PARD3: variants seen among roughly 807,000 people sequenced by gnomAD.
The protein encoded by PARD3 is partitioning defective 3 homolog.
A neutral mutation model predicts 155.4 loss-of-function variants in PARD3; 75 were observed. The observed-to-expected ratio is 0.48, with a 90% CI of 0.40 to 0.58. The LOEUF is 0.58. Ranked by LOEUF, PARD3 falls within the 20% of genes least tolerant of loss-of-function variation. The pLI, the probability that PARD3 is intolerant of heterozygous loss-of-function variation, is 0.00. For synonymous variants in PARD3, 576 were observed against 610.5 expected (o/e 0.94, Z 0.83); for missense variants, 1,642 against 1,721.7 (o/e 0.95, Z 0.82).
At chr10:34,605,559 CCTATATATATATAT>C in intron 2 of PARD3, among the ~76,000 whole-genome samples, 1 of 30,986 alleles carries the variant, frequency 3.2e-5, no homozygotes, top group Admixed American at 3.3e-4. Flanking sequence ...ATATATATCT[CCTATATATATATAT>C]ATCTCCTATA....
chr10:34,221,741 C>T (rs2133478558), intron 22 of PARD3, among the ~76,000 whole-genome samples: 1 of 152,284 alleles, frequency 6.6e-6, no homozygotes, highest in South Asian at 2.1e-4. Flanking sequence ...TTAGTCCTTC[C>T]TTACTCATCA....
At chr10:34,532,649 T>A (rs564379690) in intron 2 of PARD3, among the ~76,000 whole-genome samples, 15 of 152,352 alleles carry the variant, frequency 9.8e-5, no homozygotes, top group Middle Eastern at 3.4e-3. Flanking sequence ...CCTTGTTCTA[T>A]GAGAAATTAG....
intron 4 of PARD3, among the ~76,000 whole-genome samples, chr10:34,452,855 T>C (rs984126121): frequency 7.9e-5 from 12 of 152,198 alleles, no homozygotes; most frequent in African/African-American, 2.7e-4. Context: ...ACATTTAGAA[T>C]TAGCTTTACT....
intron 21 of PARD3, among the ~76,000 whole-genome samples, chr10:34,280,055 C>A (rs1393913311): frequency 2.0e-5 from 3 of 152,104 alleles, no homozygotes; most frequent in Admixed American, 6.6e-5. Context: ...TACAAGCCAG[C>A]TAACATTATA....
At chr10:34,318,238 A>G (rs556519892) in intron 19 of PARD3, among the ~76,000 whole-genome samples, 15 of 152,344 alleles carry the variant, frequency 9.8e-5, no homozygotes, top group East Asian at 7.7e-4. Context: ...ACATTTCTCT[A>G]TTAAATAAGA....
chr10:34,458,619 C>A (rs1298893083), intron 4 of PARD3, among the ~76,000 whole-genome samples: 1 of 152,156 alleles, frequency 6.6e-6, no homozygotes, highest in Non-Finnish European at 1.5e-5. Flanking sequence ...TCTCTCAAAA[C>A]AAGAGAAAAT....
At chr10:34,319,327 T>A (rs188615309) in intron 19 of PARD3, among the ~76,000 whole-genome samples, 1 of 150,840 alleles carries the variant, frequency 6.6e-6, no homozygotes, top group East Asian at 2.0e-4. Context: ...GACCTCATGA[T>A]CCACCAGCCT....
At chr10:34,174,279 G>A (rs561004114) in intron 22 of PARD3, among the ~76,000 whole-genome samples, 16 of 152,252 alleles carry the variant, frequency 1.1e-4, no homozygotes, top group Non-Finnish European at 2.1e-4. Context: ...TGACTACTGC[G>A]TTAGGTTGAG....
chr10:34,571,812 A>C (rs1297471719), intron 2 of PARD3, among the ~76,000 whole-genome samples: 1 of 152,234 alleles, frequency 6.6e-6, no homozygotes, highest in African/African-American at 2.4e-5. Context: ...AGGTATTAAT[A>C]TCTGTACCAA....
chr10:34,516,026 G>A (rs897108100), intron 3 of PARD3, among the ~76,000 whole-genome samples: 16 of 151,310 alleles, frequency 1.1e-4, no homozygotes, highest in Non-Finnish European at 2.2e-4. Flanking sequence ...GCACAATCTC[G>A]GTTCACTGCA....
intron 3 of PARD3, among the ~76,000 whole-genome samples, chr10:34,474,079 C>T (rs557283623): frequency 6.6e-6 from 1 of 152,254 alleles, no homozygotes; most frequent in East Asian, 1.9e-4. Context: ...GTGGGAAGAT[C>T]ACTTGAGCCC....
intron 5 of PARD3, among the ~76,000 whole-genome samples, chr10:34,446,762 G>A (rs1305405746): frequency 6.6e-6 from 1 of 152,008 alleles, no homozygotes; most frequent in African/African-American, 2.4e-5. Flanking sequence ...GACATTTCCT[G>A]TGCCATCACG....
chr10:34,509,065 A>G (rs2081252926), intron 3 of PARD3, among the ~76,000 whole-genome samples: 1 of 152,216 alleles, frequency 6.6e-6, no homozygotes, highest in African/African-American at 2.4e-5. Flanking sequence ...TAAACACTCT[A>G]TATTACAAAG....
At chr10:34,236,273 T>C (rs1006754539) in intron 22 of PARD3, among the ~76,000 whole-genome samples, 5 of 152,182 alleles carry the variant, frequency 3.3e-5, no homozygotes, top group African/African-American at 9.6e-5. Context: ...TCTGTAGTAA[T>C]AGACACCATT....
intron 4 of PARD3, among the ~76,000 whole-genome samples, chr10:34,460,771 T>G (rs1163531511): frequency 6.6e-6 from 1 of 151,948 alleles, no homozygotes; most frequent in East Asian, 1.9e-4. Context: ...AGGCAGAGCT[T>G]GCAGTGAGCC....
At chr10:34,766,371 C>T (rs763067503) in intron 1 of PARD3, among the ~76,000 whole-genome samples, 3 of 152,158 alleles carry the variant, frequency 2.0e-5, no homozygotes, top group Non-Finnish European at 4.4e-5. Flanking sequence ...TCAACACAGA[C>T]ATCTGCTCTG....
chr10:34,758,720 G>GA (rs754301599), intron 1 of PARD3, among the ~76,000 whole-genome samples: 27 of 152,254 alleles, frequency 1.8e-4, no homozygotes, highest in Non-Finnish European at 3.5e-4. Flanking sequence ...ATTCACAGAA[G>GA]AAAAAAATTC....
intron 1 of PARD3, among the ~76,000 whole-genome samples, chr10:34,723,021 T>G (rs1476375713): frequency 1.3e-5 from 2 of 152,066 alleles, no homozygotes; most frequent in Non-Finnish European, 2.9e-5. Flanking sequence ...TATTTGAAAT[T>G]TTCCCTAATG....
intron 2 of PARD3, among the ~76,000 whole-genome samples, chr10:34,629,890 T>G (rs1312936211): frequency 6.6e-6 from 1 of 152,208 alleles, no homozygotes; most frequent in Non-Finnish European, 1.5e-5. Context: ...AGATAGAATA[T>G]GCATAGATAT....
Sources: allele counts gnomAD v4.1 joint callset (sites outside exome capture counted in the v4.1 genomes callset), GRCh38; gene constraint gnomAD v4.1.1; transcripts MANE v1.5; gene names NCBI Gene and HGNC (gene_info 2026-07-23, HGNC 2026-07-21).